The following WWOX variants were observed in gnomAD, a reference collection of about 807,000 sequenced individuals.
The protein encoded by WWOX is WW domain containing oxidoreductase, also known as WW domain-containing oxidoreductase.
A neutral mutation model predicts 46.2 loss-of-function variants in WWOX; 69 were observed. That is an observed-to-expected ratio of 1.49 (90% CI 1.23 to 1.82). The LOEUF (loss-of-function observed/expected upper bound fraction) is 1.82. Ranked by LOEUF, WWOX falls within the 40% of genes most tolerant of loss-of-function variation. The pLI, the probability that WWOX is intolerant of heterozygous loss-of-function variation, is 0.00. For synonymous variants in WWOX, 359 were observed against 202.6 expected (o/e 1.77, Z -6.56); for missense variants, 919 against 542.6 (o/e 1.69, Z -6.89).
At chr16:78,698,417 C>T (rs780727257) in intron 8 of WWOX, among the ~76,000 whole-genome samples, 1 of 152,178 alleles carries the variant, frequency 6.6e-6, no homozygotes, top group South Asian at 2.1e-4. Context: ...TCATTTCATT[C>T]GCATTACAGA....
chr16:78,753,993 A>T (rs888740386), intron 8 of WWOX, among the ~76,000 whole-genome samples: 7 of 150,778 alleles, frequency 4.6e-5, no homozygotes, highest in Non-Finnish European at 1.0e-4. Flanking sequence ...GAAAAGAGAT[A>T]TGCCAAAGAG....
intron 5 of WWOX, among the ~76,000 whole-genome samples, chr16:78,358,073 A>G (rs768391858): frequency 6.6e-6 from 1 of 152,196 alleles, no homozygotes; most frequent in Non-Finnish European, 1.5e-5. Context: ...TTCTGCATAC[A>G]CTTGGAACTA....
At chr16:78,654,672 T>C (rs1044532570) in intron 8 of WWOX, among the ~76,000 whole-genome samples, 20 of 152,164 alleles carry the variant, frequency 1.3e-4, no homozygotes, top group African/African-American at 4.6e-4. Flanking sequence ...TGTATGTGTG[T>C]GTGTGTATAA....
rs66481974 is a variant in WWOX, at chr16:79,211,594, T to G, written c.1057-14T>G. 6 of 1,614,072 alleles carry G rather than the reference T, an allele frequency of 3.7e-6. No homozygotes were observed. The highest frequency in any genetic ancestry group is 1.7e-6 in the Non-Finnish European group (2 of 1,180,008). ...TCTTAAAATTTTTTTTTGTCTTTCT[T>G]CTTGGATTTCCAGCAACAGGGAGCT... On this transcript the variant is annotated splice_polypyrimidine_tract_variant and intron_variant, in intron 8 of 8. Transcript: ENST00000566780.
chr16:78,377,184 A>G (rs192116806), intron 5 of WWOX, among the ~76,000 whole-genome samples: 60 of 152,344 alleles, frequency 3.9e-4, no homozygotes, highest in Non-Finnish European at 6.5e-4. Flanking sequence ...ATTATGCAGT[A>G]AATTAGCTGA....
chr16:78,513,070 C>T (rs1478153485), intron 8 of WWOX, among the ~76,000 whole-genome samples: 1 of 152,106 alleles, frequency 6.6e-6, no homozygotes, highest in Admixed American at 6.6e-5. Context: ...AAGTAGTAAA[C>T]GTAATGAACA....
intron 8 of WWOX, among the ~76,000 whole-genome samples, chr16:79,034,773 T>C (rs760675450): frequency 2.0e-5 from 3 of 152,208 alleles, no homozygotes; most frequent in Non-Finnish European, 2.9e-5. Context: ...TTACTTGGAA[T>C]GCCATAAATT....
At chr16:78,998,544 C>CCA (rs1175536456) in intron 8 of WWOX, among the ~76,000 whole-genome samples, 2 of 152,142 alleles carry the variant, frequency 1.3e-5, no homozygotes, top group East Asian at 3.9e-4. Flanking sequence ...CTTGGCTCTA[C>CCA]CACCTATGAT....
intron 8 of WWOX, among the ~76,000 whole-genome samples, chr16:78,504,646 A>T (rs1406002356): frequency 6.6e-6 from 1 of 152,148 alleles, no homozygotes; most frequent in African/African-American, 2.4e-5. Flanking sequence ...ATGAAATATG[A>T]CTCGGTTTAT....
intron 8 of WWOX, among the ~76,000 whole-genome samples, chr16:78,844,296 T>G (rs957616967): frequency 6.6e-6 from 1 of 152,314 alleles, no homozygotes; most frequent in Non-Finnish European, 1.5e-5. Context: ...CTAAGTGATA[T>G]TTATTTTTTC....
At chr16:78,820,497 A>G (rs144603177) in intron 8 of WWOX, among the ~76,000 whole-genome samples, 31 of 152,246 alleles carry the variant, frequency 2.0e-4, no homozygotes, top group African/African-American at 6.5e-4. Context: ...CCCCATTTCC[A>G]TGAGTAGAGT....
chr16:79,195,605 G>T (rs557550956), intron 8 of WWOX, among the ~76,000 whole-genome samples: 3 of 152,170 alleles, frequency 2.0e-5, no homozygotes, highest in African/African-American at 7.2e-5. Flanking sequence ...CTAACTTCAG[G>T]GTATATTCAT....
chr16:78,152,018 G>A (rs1459326664), intron 4 of WWOX, among the ~76,000 whole-genome samples: 1 of 152,040 alleles, frequency 6.6e-6, no homozygotes, highest in Non-Finnish European at 1.5e-5. Context: ...GTGAAACCCC[G>A]TCTCTACTAA....
At chr16:78,751,230 ATTAG>A (rs2142450114) in intron 8 of WWOX, among the ~76,000 whole-genome samples, 1 of 152,004 alleles carries the variant, frequency 6.6e-6, no homozygotes, top group East Asian at 1.9e-4. Flanking sequence ...CATATCAGAA[ATTAG>A]TTAGAAGAAG....
chr16:78,710,486 A>ATATATATATATT (rs1555520975), intron 8 of WWOX, among the ~76,000 whole-genome samples: 3 of 127,320 alleles, frequency 2.4e-5, no homozygotes, highest in Non-Finnish European at 5.0e-5. Context: ...ATATATATAT[A>ATATATATATATT]TATATATATA....
chr16:78,396,578 A>T (rs536726488), intron 6 of WWOX, among the ~76,000 whole-genome samples: 1 of 152,184 alleles, frequency 6.6e-6, no homozygotes, highest in Non-Finnish European at 1.5e-5. Context: ...ACTCCTCACA[A>T]TCCCACCAGT....
intron 8 of WWOX, among the ~76,000 whole-genome samples, chr16:78,912,654 A>C (rs2045142158): frequency 6.6e-6 from 1 of 151,886 alleles, no homozygotes; most frequent in Non-Finnish European, 1.5e-5. Flanking sequence ...TGTCCCCTTT[A>C]ATTCTCATTT....
chr16:78,122,496 A>G (rs181790100), intron 4 of WWOX, among the ~76,000 whole-genome samples: 426 of 152,282 alleles, frequency 2.8e-3, no homozygotes, highest in Non-Finnish European at 4.7e-3. Flanking sequence ...AAGCTTGAAA[A>G]CTTGGAAATT....
At chr16:78,145,183 G>A (rs1468925782) in intron 4 of WWOX, among the ~76,000 whole-genome samples, 1 of 152,182 alleles carries the variant, frequency 6.6e-6, no homozygotes, top group Non-Finnish European at 1.5e-5. Context: ...TCCTTGGCTT[G>A]TAGATGAGTG....
Sources: gnomAD v4.1 joint callset for allele counts (sites outside exome capture counted in the v4.1 genomes callset) on GRCh38, gnomAD v4.1.1 for gene constraint, MANE v1.5 for transcripts, NCBI Gene and HGNC (gene_info 2026-07-23, HGNC 2026-07-21) for gene names.